Variants in ATRN observed in about 807,000 individuals in gnomAD.
The protein encoded by ATRN is attractin, also known as attractin-2.
Under a neutral mutation model 178.7 loss-of-function variants are expected in ATRN, and 54 were observed. The ratio of observed to expected loss-of-function variants is 0.30; its 90% confidence interval spans 0.24 to 0.38. The LOEUF is 0.38. ATRN is among the 10% of genes least tolerant of loss of function. The pLI, the probability that ATRN is intolerant of heterozygous loss-of-function variation, is 1.00. For synonymous variants in ATRN, 636 were observed against 663.0 expected, an observed-to-expected ratio of 0.96 and a Z score of 0.63; for missense variants, 1,443 against 1,815.1, an observed-to-expected ratio of 0.79 and a Z score of 3.73.
At chr20:3,600,678 T>A (rs190447881) in intron 22 of ATRN, among the ~76,000 whole-genome samples, 2 of 152,256 alleles carry the variant, frequency 1.3e-5, no homozygotes, top group Admixed American at 1.3e-4. Context: ...TAGGGGTCTT[T>A]TTAAAAGGCA....
Position 3,620,329 on chromosome 20 carries a change from C to T in ATRN, c.3802-4182C>T, listed in dbSNP as rs1232152893. On this transcript the variant is annotated intron_variant, in intron 24 of 28. Coordinates refer to ENST00000262919, the MANE Select transcript of ATRN (RefSeq NM_139321.3). ...GTGCGATCTTGGCTTACCGCAACCT[C>T]TCCACCTCCTGGGTTTGAGCAATTC... is the stretch of plus-strand genomic sequence containing the variant. Among the ~76,000 whole-genome samples, 6 of 152,314 alleles carry T rather than the reference C, an allele frequency of 3.9e-5. No homozygotes were observed. The East Asian group carries it at 9.7e-4, about 25-fold the overall frequency.
intron 3 of ATRN, 38 bp downstream of exon 3, chr20:3,540,373 T>C: frequency 7.6e-7 from 1 of 1,313,842 alleles, no homozygotes; most frequent in Non-Finnish European, 1.1e-6. Context: ...CATCGTTTGA[T>C]TTCTAAATTT....
chr20:3,585,793 A>G (rs186416425), intron 18 of ATRN, among the ~76,000 whole-genome samples: 2 of 152,356 alleles, frequency 1.3e-5, no homozygotes, highest in East Asian at 1.9e-4. Context: ...TTAAATAGAC[A>G]TATGTCCAGA....
chr20:3,556,345 A>T (rs2085876299), intron 6 of ATRN, among the ~76,000 whole-genome samples: 1 of 152,214 alleles, frequency 6.6e-6, no homozygotes, highest in Non-Finnish European at 1.5e-5. Flanking sequence ...TCCAAGAAAA[A>T]TAAAGTCATT....
chr20:3,644,821 G>A lies in ATRN; in HGVS notation c.4165+553G>A, dbSNP rs908826684. ...ATAAAGGAAACGTCTGAAAATCCAC[G>A]CACAGTTCTGCTATCCCACAACCCA... On this transcript the variant is annotated intron_variant, in intron 28 of 28. Coordinates refer to ENST00000262919, the MANE Select transcript of ATRN (RefSeq NM_139321.3). Among the ~76,000 whole-genome samples, 2 of 152,264 alleles carry A rather than the reference G, an allele frequency of 1.3e-5. 1 individual carries two copies. Among genetic ancestry groups the A allele is most frequent in the South Asian group, 4.2e-4 (2 of 4,818 alleles).
chr20:3,587,577 A>G (rs2086375559), intron 18 of ATRN, among the ~76,000 whole-genome samples: 1 of 151,852 alleles, frequency 6.6e-6, no homozygotes, highest in Non-Finnish European at 1.5e-5. Flanking sequence ...ATTTTTGTGC[A>G]GTTGACCAAT....
At chr20:3,560,286 C>T (rs1379153594) in intron 7 of ATRN, among the ~76,000 whole-genome samples, 1 of 152,058 alleles carries the variant, frequency 6.6e-6, no homozygotes, top group Admixed American at 6.5e-5. Flanking sequence ...ACATAATGAC[C>T]TCCAGTTCAG....
intron 1 of ATRN, among the ~76,000 whole-genome samples, chr20:3,499,736 A>G (rs576678271): frequency 2.5e-3 from 378 of 150,694 alleles, no homozygotes; most frequent in Non-Finnish European, 4.6e-3. Context: ...AAACCCTAGA[A>G]GAAAACCTAG....
intron 1 of ATRN, among the ~76,000 whole-genome samples, chr20:3,513,860 G>A (rs1188555577): frequency 6.6e-6 from 1 of 152,126 alleles, no homozygotes; most frequent in Non-Finnish European, 1.5e-5. Context: ...AAGCAATTGT[G>A]AATGGGAGTT....
At chr20:3,522,529 GAGC>G in intron 1 of ATRN, among the ~76,000 whole-genome samples, 1 of 152,334 alleles carries the variant, frequency 6.6e-6, no homozygotes, top group East Asian at 1.9e-4. Context: ...GCTCTGAAGA[GAGC>G]AGCAGATCTC....
rs2146201683 is a variant in ATRN at position 3,547,387 on chromosome 20, G to A, written c.841G>A (p.Ala281Thr). 1 of 1,613,928 alleles carries A rather than the reference G, an allele frequency of 6.2e-7. No individual in the cohort carries two copies. The change falls in exon 5 of 29, where the codon GCA (alanine) becomes ACA (threonine). Residue 281 changes from alanine to threonine, a missense_variant. Physicochemically the swap from Ala to Thr is moderately conservative, Grantham distance 58. Transcript: ENST00000262919. ...CECSENWKGE[A>T]CDIPHCTDNC... ...ATGTTCTGAAAACTGGAAAGGTGAA[G>A]CATGTGACATTCCTCACTGTACAGA...
At chr20:3,546,040 A>G (rs926599201) in intron 4 of ATRN, 150 bp downstream of exon 4, 2 of 875,360 alleles carry the variant, frequency 2.3e-6, no homozygotes, top group Non-Finnish European at 3.4e-6. Flanking sequence ...CCATAAATTC[A>G]GTGAGGTCTG....
chr20:3,575,580 G>A (rs749099861), intron 12 of ATRN, among the ~76,000 whole-genome samples: 1 of 151,976 alleles, frequency 6.6e-6, no homozygotes, highest in Non-Finnish European at 1.5e-5. Context: ...ATATCTTACA[G>A]TTGTTAAATT....
chr20:3,480,610 A>T (rs2084605749), intron 1 of ATRN, among the ~76,000 whole-genome samples: 1 of 152,162 alleles, frequency 6.6e-6, no homozygotes, highest in East Asian at 1.9e-4. Flanking sequence ...ATACAGAGGG[A>T]GGGAGGTAGA....
At chr20:3,642,674 G>A (rs1164068911) in intron 27 of ATRN, among the ~76,000 whole-genome samples, 1 of 152,176 alleles carries the variant, frequency 6.6e-6, no homozygotes, top group Non-Finnish European at 1.5e-5. Context: ...CAGCAGAGTG[G>A]TACTGGAAAT....
intron 1 of ATRN, among the ~76,000 whole-genome samples, chr20:3,493,268 C>G (rs1458024765): frequency 2.0e-5 from 3 of 151,202 alleles, no homozygotes; most frequent in African/African-American, 7.3e-5. Context: ...ATCCTTCCAC[C>G]TCAGCCTCCT....
At chr20:3,604,412 C>G (rs2086652345) in intron 24 of ATRN, 150 bp downstream of exon 24, 1 of 890,788 alleles carries the variant, frequency 1.1e-6, no homozygotes, top group African/African-American at 1.7e-5. Flanking sequence ...TGAGCACATG[C>G]ATGCTGCACA....
chr20:3,475,031 CAAA>C (rs1189030441), intron 1 of ATRN, among the ~76,000 whole-genome samples: 8 of 55,792 alleles, frequency 1.4e-4, no homozygotes, highest in Middle Eastern at 7.6e-3. Context: ...GACTCCATCT[CAAA>C]AAAAAAAAAA....
chr20:3,598,293 C>T (rs2086559990), intron 22 of ATRN, among the ~76,000 whole-genome samples: 1 of 152,176 alleles, frequency 6.6e-6, no homozygotes, highest in African/African-American at 2.4e-5. Context: ...GGGACTCCAC[C>T]ATCAGAGGGC....
Sources: gnomAD v4.1 joint callset for allele counts (sites outside exome capture counted in the v4.1 genomes callset) on GRCh38, gnomAD v4.1.1 for gene constraint, MANE v1.5 for transcripts, NCBI Gene and HGNC (gene_info 2026-07-23, HGNC 2026-07-21) for gene names.